TECPR1: variants seen among roughly 807,000 people sequenced by gnomAD.
TECPR1 encodes the protein tectonin beta-propeller repeat-containing protein 1.
In TECPR1, 122 loss-of-function variants were observed where a neutral mutation model predicts 162.4. That is an observed-to-expected ratio of 0.75 (90% CI 0.65 to 0.87). TECPR1 has a LOEUF of 0.87. Among genes scored for constraint, TECPR1 ranks in the 40% least tolerant of loss-of-function variants. The pLI is 0.00. For missense variants in TECPR1, 1,432 were observed against 1,618.2 expected, an observed-to-expected ratio of 0.88 and a Z score of 1.97; for synonymous variants, 642 against 670.6, an observed-to-expected ratio of 0.96 and a Z score of 0.66.
In TECPR1 at chr7:98,231,706, T is replaced by C. The variant is rs1363681000; in HGVS notation, c.1974+98A>G. ...CCCTCCCTGGGCACCCTCATTTCTG[T>C]ACCCCTCCCCTGGGCACCCCCATTT... is the stretch of plus-strand genomic sequence containing the variant. On this transcript the variant is annotated intron_variant, in intron 13 of 25. Transcript: ENST00000447648. The C allele has an allele frequency of 4.2e-6, 6 of 1,423,596 alleles. No homozygotes were observed. In the South Asian group the frequency reaches 6.4e-5, roughly 15 times the overall value. 88.2% of individuals were successfully genotyped at this position (1,423,596 alleles called of 1,614,324 possible). A position where few individuals can be genotyped will look rare whatever the true frequency, so the allele number is the denominator to read the frequency against.
At chr7:98,239,966 C>T (rs755622940) in intron 8 of TECPR1, among the ~76,000 whole-genome samples, 3 of 151,908 alleles carry the variant, frequency 2.0e-5, no homozygotes, top group Non-Finnish European at 4.4e-5. Flanking sequence ...AAAAATTAGC[C>T]GGGCGTGGTG....
rs1223532374 is a variant in TECPR1, at chr7:98,241,640, T to C, written c.658-396A>G. ...ACTATCTAAGACGTCAGTTCTTTTT[T>C]CCTTCACTGAATGGTTAAGACTGGG... On this transcript the variant is annotated intron_variant, in intron 6 of 25. Coordinates refer to ENST00000447648, the MANE Select transcript of TECPR1 (RefSeq NM_015395.3). This position sits in a 1 kb window ranked among gnomAD's most constrained non-coding sequence, Gnocchi z 5.0. 2.0e-5 allele frequency among the ~76,000 whole-genome samples: 3 copies of C among 152,208 alleles called. No individual in the cohort carries two copies. The highest frequency in any genetic ancestry group is 4.4e-5 in the Non-Finnish European group (3 of 68,036).
Position 98,231,039 on chromosome 7 carries a change from G to T in TECPR1, c.2204C>A (p.Thr735Asn), listed in dbSNP as rs1488127158. The change falls in exon 15 of 26, where the codon ACC becomes AAC. Residue 735 changes from threonine to asparagine, a missense_variant. By Grantham distance (65) the Thr-to-Asn change is moderately conservative. Transcript: ENST00000447648. ...GCTCACGAAGATGTCCCCCTTGCAG[G>T]TGATGGACCAGATGGCCTGCGGGGA... ...RPSPQAIWSI[T>N]CKGDIFVSEP... is the part of the protein sequence containing the mutation. 6.2e-7 allele frequency: 1 copy of T among 1,612,712 alleles called. No homozygotes were observed. Among genetic ancestry groups the T allele is most frequent in the South Asian group, 1.1e-5 (1 of 90,944 alleles).
Position 98,243,563 on chromosome 7 carries a change from C to G in TECPR1, c.561G>C (p.Leu187=), listed in dbSNP as rs1798825067. 1 of 1,612,452 alleles carries G rather than the reference C, an allele frequency of 6.2e-7. No individual in the cohort carries two copies. Among genetic ancestry groups the G allele is most frequent in the Admixed American group, 1.7e-5 (1 of 59,984 alleles). Residue 187 remains leucine (L), a synonymous_variant, in exon 6 of 26, where the codon CTG becomes CTC. Transcript: ENST00000447648. ...CAGAGAGGTCGTTGAAGGGGTCGGG[C>G]AGCTCCTTGGGGTCATCCTTCGAGG... is the stretch of plus-strand genomic sequence containing the variant. The part of the protein sequence containing the change: ...KIPSKDDPKE[L]PDPFNDLSVG...
intron 25 of TECPR1, 69 bp downstream of exon 25, chr7:98,217,623 C>T (rs1798045940): frequency 2.6e-6 from 4 of 1,520,036 alleles, no homozygotes; most frequent in South Asian, 2.4e-5. Context: ...CCACAGTGGT[C>T]GTCCCGTCTT....
rs1440501782 is a variant in TECPR1, at chr7:98,224,783, G to C, written c.2690+18C>G. ...ATTCAGGACCCAGCCCGAAGGCCCT[G>C]TGCAGGGAGAGGCTTACGCAGGGAA... is the stretch of plus-strand genomic sequence containing the variant. On this transcript the variant is annotated intron_variant, in intron 19 of 25. Coordinates refer to ENST00000447648, the MANE Select transcript of TECPR1 (RefSeq NM_015395.3). The C allele has an allele frequency of 6.4e-7, 1 of 1,571,464 alleles. No individual in the cohort carries two copies. The highest frequency in any genetic ancestry group is 8.6e-7 in the Non-Finnish European group (1 of 1,158,968).
chr7:98,246,626 G>C (rs573972254), intron 2 of TECPR1, among the ~76,000 whole-genome samples: 1 of 151,530 alleles, frequency 6.6e-6, no homozygotes, highest in Non-Finnish European at 1.5e-5. Context: ...CTGTTGCCCA[G>C]GCTGGAGTGC....
At chr7:98,223,863 AC>A in intron 19 of TECPR1, 145 bp from the exon 20 acceptor site, 1 of 834,004 alleles carries the variant, frequency 1.2e-6, no homozygotes, top group Non-Finnish European at 1.9e-6. Context: ...AGGAGGTGTC[AC>A]CACGCGCGGC....
In TECPR1 at chr7:98,228,983, G is replaced by A. The variant is rs529063313; in HGVS notation, c.2410+56C>T. On this transcript the variant is annotated intron_variant, in intron 16 of 25. Coordinates refer to ENST00000447648, the MANE Select transcript of TECPR1 (RefSeq NM_015395.3). ...GGCCTTGGGCAGGGAACCCAGACGGGGACTAGAGGAAAGAACGCCCAGGAA... is the reference window on the plus strand; with the variant it reads ...GGCCTTGGGCAGGGAACCCAGACGGAGACTAGAGGAAAGAACGCCCAGGAA... 6.4e-6 allele frequency: 10 copies of A among 1,566,616 alleles called. No homozygotes were observed. In the East Asian group the frequency reaches 1.8e-4, roughly 29 times the overall value.
In TECPR1 at chr7:98,232,692, A is replaced by G. The variant is rs1798475754; in HGVS notation, c.1818+135T>C. ...GAAGAAACCCTGAGCTCATTTCTCT[A>G]TGCCTGCATCTGGGCGGGAGACCAG... is the stretch of plus-strand genomic sequence containing the variant. On this transcript the variant is annotated intron_variant, in intron 12 of 25. Transcript: ENST00000447648. This position sits in a 1 kb window ranked among gnomAD's most constrained non-coding sequence, Gnocchi z 4.6. 4 of 1,190,168 alleles carry G rather than the reference A, an allele frequency of 3.4e-6. No homozygotes were observed. The East Asian group carries it at 1.0e-4, about 31-fold the overall frequency. 73.7% of individuals were successfully genotyped at this position (1,190,168 alleles called of 1,614,324 possible). A position where few individuals can be genotyped will look rare whatever the true frequency, so the allele number is the denominator to read the frequency against.
rs1353124600 is a variant in TECPR1, at chr7:98,232,690, C to CTATG, written c.1818+133_1818+136dup. On this transcript the variant is annotated intron_variant, in intron 12 of 25. Transcript: ENST00000447648. This position sits in a 1 kb window ranked among gnomAD's most constrained non-coding sequence, Gnocchi z 4.6. ...ACGAAGAAACCCTGAGCTCATTTCT[C>CTATG]TATGCCTGCATCTGGGCGGGAGACC... The CTATG allele has an allele frequency of 8.4e-7, 1 of 1,185,070 alleles. No individual in the cohort carries two copies. Among genetic ancestry groups the CTATG allele is most frequent in the Non-Finnish European group, 1.1e-6 (1 of 875,576 alleles). 73.4% of individuals were successfully genotyped at this position (1,185,070 alleles called of 1,614,324 possible). A position where few individuals can be genotyped will look rare whatever the true frequency, so the allele number is the denominator to read the frequency against.
At chr7:98,243,419 G>A (rs767347828) in intron 6 of TECPR1, 48 bp downstream of exon 6, 3 of 1,607,452 alleles carry the variant, frequency 1.9e-6, no homozygotes, top group Non-Finnish European at 2.5e-6. Flanking sequence ...AGGACCCACA[G>A]GAGGTGGGAT....
At position 98,223,035 on chromosome 7, in the gene TECPR1, C is replaced by T. The variant is rs753024197; in HGVS notation, c.2883G>A (p.Lys961=). 16 of 1,611,230 alleles carry T rather than the reference C, an allele frequency of 9.9e-6. No individual in the cohort carries two copies. In the East Asian group the frequency reaches 3.3e-4, roughly 34 times the overall value. The change falls in exon 21 of 26, where the codon AAG becomes AAA. Residue 961 remains lysine, a synonymous_variant. Transcript: ENST00000447648. The part of the protein sequence containing the change: ...HSIALWAVSD[K]GDVLCRLGVS... Reference sequence around the variant, plus strand: ...CGCCCAGGCGGCACAGCACATCCCCCTTGTCGCTGACGGCCCAGAGGGCGA... The same window carrying T: ...CGCCCAGGCGGCACAGCACATCCCCTTTGTCGCTGACGGCCCAGAGGGCGA...
At chr7:98,223,885 C>T (rs1296743744) in intron 19 of TECPR1, 167 bp from the exon 20 acceptor site, 7 of 665,240 alleles carry the variant, frequency 1.1e-5, no homozygotes, top group African/African-American at 5.5e-5. Context: ...TCTCAGGAGG[C>T]GCTTCCTGGC....
intron 2 of TECPR1, among the ~76,000 whole-genome samples, chr7:98,246,732 G>A (rs1242812307): frequency 1.3e-5 from 2 of 151,784 alleles, no homozygotes; most frequent in African/African-American, 2.4e-5. Flanking sequence ...ACAGGTGCAC[G>A]CCACCACGCC....
intron 11 of TECPR1, 126 bp downstream of exon 11, chr7:98,233,295 C>T (rs1039614277): frequency 8.0e-7 from 1 of 1,251,460 alleles, no homozygotes; most frequent in Non-Finnish European, 1.0e-6. Flanking sequence ...AGCTGCTGAG[C>T]ACAGTGAGGC....
rs763549503 is a variant in TECPR1, at chr7:98,246,123, C to T, written c.24G>A (p.Ala8=). MPNSVLW[A]VDLFGRVYTL... ...TGTACACTCTCCCGAAGAGGTCCAC[C>T]GCCCACAGCACTGAGTTGGGCATGG... The change falls in exon 3 of 26, where the codon GCG becomes GCA. Residue 8 remains alanine (A), a synonymous_variant. Coordinates refer to ENST00000447648, the MANE Select transcript of TECPR1 (RefSeq NM_015395.3). 4.5e-6 allele frequency: 7 copies of T among 1,550,960 alleles called. No individual in the cohort carries two copies. The highest frequency in any genetic ancestry group is 6.1e-6 in the Non-Finnish European group (7 of 1,147,920).
chr7:98,243,389 A>G, intron 6 of TECPR1, 78 bp downstream of exon 6: 1 of 1,572,172 alleles, frequency 6.4e-7, no homozygotes, highest in Non-Finnish European at 8.6e-7. Flanking sequence ...GAGGAGCAAG[A>G]CCCAGGGGGT....
At position 98,233,919 on chromosome 7, in the gene TECPR1, CA is replaced by C; in HGVS notation, c.1182-9del. 1 of 1,520,702 alleles carries C rather than the reference CA, an allele frequency of 6.6e-7. No individual in the cohort carries two copies. The highest frequency in any genetic ancestry group is 1.7e-4 in the Middle Eastern group (1 of 5,846). The allele number at this position is 1,520,702 out of a possible 1,614,324, so 94.2% of individuals were successfully genotyped here. On this transcript the variant is annotated splice_polypyrimidine_tract_variant and intron_variant, in intron 10 of 25. Transcript: ENST00000447648. ...CCGAAGAAGCAGCCGGCACTGGGGA[CA>C]AATCAGGGCAGACCCATCACTCCCT...
Sources: gnomAD v4.1 joint callset for allele counts (sites outside exome capture counted in the v4.1 genomes callset) on GRCh38, gnomAD v4.1.1 for gene constraint, Gnocchi (gnomAD v3.1) non-coding constraint, MANE v1.5 for transcripts, NCBI Gene and HGNC (gene_info 2026-07-23, HGNC 2026-07-21) for gene names.